Variants in MARCHF1 observed in about 807,000 individuals in gnomAD.
The protein encoded by MARCHF1 is membrane associated ring-CH-type finger 1, also known as E3 ubiquitin-protein ligase MARCHF1.
In MARCHF1, 40 loss-of-function variants were observed where a neutral mutation model predicts 54.2. That is an observed-to-expected ratio of 0.74 (90% CI 0.57 to 0.96). The LOEUF is 0.96. Ranked by LOEUF, MARCHF1 falls within the 40% of genes least tolerant of loss-of-function variation. The pLI, the probability that MARCHF1 is intolerant of heterozygous loss-of-function variation, is 0.00. For missense variants in MARCHF1, 586 were observed against 656.5 expected, an observed-to-expected ratio of 0.89 and a Z score of 1.17; for synonymous variants, 236 against 236.3, an observed-to-expected ratio of 1.00 and a Z score of 0.01.
At chr4:164,254,536 GTATGA>G (rs1733218664) in intron 1 of MARCHF1, among the ~76,000 whole-genome samples, 1 of 151,380 alleles carries the variant, frequency 6.6e-6, no homozygotes, top group Non-Finnish European at 1.5e-5. Flanking sequence ...ACTCCCATAT[GTATGA>G]AGTTTATTAA....
At chr4:163,562,878 G>A (rs1739517909) in intron 8 of MARCHF1, among the ~76,000 whole-genome samples, 1 of 152,166 alleles carries the variant, frequency 6.6e-6, no homozygotes, top group South Asian at 2.1e-4. Flanking sequence ...ACTTTCTCCA[G>A]CGCATCCTTC....
intron 1 of MARCHF1, among the ~76,000 whole-genome samples, chr4:164,307,673 C>T (rs1254480780): frequency 6.6e-6 from 1 of 152,204 alleles, no homozygotes; most frequent in Non-Finnish European, 1.5e-5. Flanking sequence ...TGGATTGTCA[C>T]CCTCTACATA....
chr4:164,189,247 G>C, intron 1 of MARCHF1: 1 of 578,692 alleles, frequency 1.7e-6, no homozygotes, highest in South Asian at 2.1e-5. Context: ...ACTCCAGCTA[G>C]AGGTAGAAAA....
intron 2 of MARCHF1, among the ~76,000 whole-genome samples, chr4:164,026,828 C>T (rs182268501): frequency 6.6e-6 from 1 of 151,996 alleles, no homozygotes; most frequent in East Asian, 1.9e-4. Flanking sequence ...GATTACATAC[C>T]TAGAATACCC....
chr4:163,972,419 G>T (rs1579431568), intron 3 of MARCHF1, among the ~76,000 whole-genome samples: 1 of 152,042 alleles, frequency 6.6e-6, no homozygotes, highest in Non-Finnish European at 1.5e-5. Context: ...CTGCCAAAAG[G>T]ATTTTACAGT....
chr4:163,911,190 T>C (rs973321268), intron 3 of MARCHF1, among the ~76,000 whole-genome samples: 1 of 152,208 alleles, frequency 6.6e-6, no homozygotes, highest in Non-Finnish European at 1.5e-5. Context: ...TAACATCTTA[T>C]GTTTTACCAT....
intron 1 of MARCHF1, among the ~76,000 whole-genome samples, chr4:164,216,690 C>T (rs147328014): frequency 6.6e-6 from 1 of 152,226 alleles, no homozygotes; most frequent in Non-Finnish European, 1.5e-5. Context: ...AGAGCTCATA[C>T]TCTGTGTTTT....
intron 1 of MARCHF1, among the ~76,000 whole-genome samples, chr4:164,228,369 T>C (rs1418947276): frequency 3.3e-5 from 5 of 152,156 alleles, no homozygotes; most frequent in South Asian, 4.1e-4. Context: ...GTTGACCTAA[T>C]TGAATTAAAT....
At chr4:163,921,987 A>C (rs1477283443) in intron 3 of MARCHF1, among the ~76,000 whole-genome samples, 2 of 152,206 alleles carry the variant, frequency 1.3e-5, no homozygotes, top group African/African-American at 4.8e-5. Context: ...CAACAATGAT[A>C]GACTGGATTA....
intron 1 of MARCHF1, among the ~76,000 whole-genome samples, chr4:164,252,384 T>C (rs1733154127): frequency 6.6e-6 from 1 of 152,006 alleles, no homozygotes; most frequent in African/African-American, 2.4e-5. Flanking sequence ...AAGAAATCAC[T>C]TGAGCTAATC....
intron 4 of MARCHF1, among the ~76,000 whole-genome samples, chr4:163,778,702 A>T (rs1251360215): frequency 6.6e-6 from 1 of 152,144 alleles, no homozygotes; most frequent in African/African-American, 2.4e-5. Flanking sequence ...TTATTGCATC[A>T]TGGATGGAAT....
intron 1 of MARCHF1, among the ~76,000 whole-genome samples, chr4:164,191,451 T>C (rs187524193): frequency 6.6e-6 from 1 of 152,240 alleles, no homozygotes; most frequent in Non-Finnish European, 1.5e-5. Flanking sequence ...ACTCATTTTG[T>C]TTTCTCTCTG....
At chr4:163,531,052 A>G (rs1738330793) in intron 9 of MARCHF1, among the ~76,000 whole-genome samples, 1 of 151,900 alleles carries the variant, frequency 6.6e-6, no homozygotes, top group Non-Finnish European at 1.5e-5. Context: ...GGATTCTACC[A>G]AACATTTAAA....
chr4:163,536,019 T>C (rs566838372), intron 9 of MARCHF1, among the ~76,000 whole-genome samples: 1 of 152,288 alleles, frequency 6.6e-6, no homozygotes, highest in South Asian at 2.1e-4. Flanking sequence ...ATTCAGTTCA[T>C]AATGTCCATA....
chr4:164,174,425 G>A (rs576075848), intron 1 of MARCHF1, among the ~76,000 whole-genome samples: 88 of 152,230 alleles, frequency 5.8e-4, no homozygotes, highest in African/African-American at 1.9e-3. Context: ...TAAGCACTGC[G>A]CACCAGATGT....
intron 5 of MARCHF1, among the ~76,000 whole-genome samples, chr4:163,637,725 C>A (rs1163141962): frequency 6.6e-6 from 1 of 151,504 alleles, no homozygotes; most frequent in Admixed American, 6.6e-5. Context: ...CCATTTGACC[C>A]AGCCATCCCA....
In MARCHF1 at chr4:164,250,862, G is replaced by A. The variant is rs569990876; in HGVS notation, c.-323+133008C>T. ...CATCAAACCCTTCAAATCTATCAAC[G>A]AGAAATATCTGAATATATGCTCTTG... On this transcript the variant is annotated intron_variant, in intron 1 of 9. Transcript: ENST00000514618. 3.3e-5 allele frequency among the ~76,000 whole-genome samples: 5 copies of A among 152,174 alleles called. No individual in the cohort carries two copies. In the South Asian group the frequency reaches 1.0e-3, roughly 32 times the overall value.
At chr4:164,177,437 T>A (rs894790171) in intron 1 of MARCHF1, among the ~76,000 whole-genome samples, 1 of 152,124 alleles carries the variant, frequency 6.6e-6, no homozygotes, top group Non-Finnish European at 1.5e-5. Context: ...GCACGGAGAA[T>A]TGCATGGCTT....
At chr4:164,067,205 A>G (rs1754749364) in intron 2 of MARCHF1, among the ~76,000 whole-genome samples, 1 of 152,054 alleles carries the variant, frequency 6.6e-6, no homozygotes, top group Non-Finnish European at 1.5e-5. Context: ...CCATTAAACT[A>G]CCAATGTCAT....
Sources: gnomAD v4.1 joint callset for allele counts (sites outside exome capture counted in the v4.1 genomes callset) on GRCh38, gnomAD v4.1.1 for gene constraint, MANE v1.5 for transcripts, NCBI Gene and HGNC (gene_info 2026-07-23, HGNC 2026-07-21) for gene names.